XCR1: variants seen among roughly 807,000 people sequenced by gnomAD.
The protein encoded by XCR1 is X-C motif chemokine receptor 1, also known as chemokine XC receptor 1.
For synonymous variants in XCR1, 187 were observed against 188.5 expected (o/e 0.99, Z 0.06); for missense variants, 356 against 424.2 (o/e 0.84, Z 1.41).
intron 5 of XCR1, among the ~76,000 whole-genome samples, chr3:46,034,257 C>A (rs939342455): frequency 2.6e-5 from 4 of 152,216 alleles, no homozygotes; most frequent in Non-Finnish European, 5.9e-5. Flanking sequence ...CAGGTGTGAG[C>A]CACTGCACCT....
chr3:46,060,282 T>G (rs2133664), intron 4 of XCR1, among the ~76,000 whole-genome samples: 33 of 151,956 alleles, frequency 2.2e-4, no homozygotes, highest in Non-Finnish European at 4.1e-4. Flanking sequence ...GACCCCAATC[T>G]TCATTTCTGA....
intron 4 of XCR1, among the ~76,000 whole-genome samples, chr3:46,057,931 T>C (rs957662020): frequency 7.4e-6 from 1 of 134,758 alleles, no homozygotes; most frequent in Non-Finnish European, 1.6e-5. Context: ...TATCTATCTA[T>C]CTACGCATCC....
rs1409229279 is a variant in XCR1 at position 46,026,613 on chromosome 3, C to T, written c.-32+804G>A. Among the ~76,000 whole-genome samples the T allele has an allele frequency of 1.3e-4, 20 of 148,268 alleles. No homozygotes were observed. In the East Asian group the frequency reaches 2.4e-3, roughly 17 times the overall value. On this transcript the variant is annotated intron_variant, in intron 1 of 1. Transcript: ENST00000309285. Reference sequence around the variant, plus strand: ...TTTTTTTTTTTTTGAGATGGAGTCTCGTTCTGTCCCCTAGTCTGGAGTGCA... The same window carrying T: ...TTTTTTTTTTTTTGAGATGGAGTCTTGTTCTGTCCCCTAGTCTGGAGTGCA...
intron 5 of XCR1, among the ~76,000 whole-genome samples, chr3:46,042,110 A>T (rs1697546045): frequency 6.6e-6 from 1 of 152,236 alleles, no homozygotes; most frequent in South Asian, 2.1e-4. Context: ...AAAATAGGAG[A>T]TATCTTTAGG....
chr3:46,023,403 G>A, intron 1 of XCR1: 2 of 1,468,822 alleles, frequency 1.4e-6, no homozygotes, highest in Middle Eastern at 1.9e-4. Context: ...GTCACAAAAA[G>A]GCTGCGGCAT....
chr3:46,062,528 C>T (rs1219849215), intron 4 of XCR1, among the ~76,000 whole-genome samples: 1 of 152,188 alleles, frequency 6.6e-6, no homozygotes, highest in African/African-American at 2.4e-5. Context: ...TTTTTCCTTC[C>T]CCCTTCCTTT....
At chr3:46,084,288 A>G (rs1191900753) in intron 1 of XCR1, among the ~76,000 whole-genome samples, 1 of 152,226 alleles carries the variant, frequency 6.6e-6, no homozygotes, top group Non-Finnish European at 1.5e-5. Context: ...GCTTTTGAGG[A>G]GAAAAATTTG....
intron 3 of XCR1, among the ~76,000 whole-genome samples, chr3:46,072,398 G>C (rs764628122): frequency 2.4e-4 from 36 of 151,914 alleles, no homozygotes; most frequent in Non-Finnish European, 8.8e-5. Context: ...TGCACACCTA[G>C]AGTCCCAGTT....
At chr3:46,058,863 C>T (rs182425082) in intron 4 of XCR1, among the ~76,000 whole-genome samples, 6 of 152,270 alleles carry the variant, frequency 3.9e-5, no homozygotes, top group Admixed American at 3.9e-4. Flanking sequence ...TGATGACCGG[C>T]CATAGGGTGT....
chr3:46,024,214 CA>C (rs35174940), intron 1 of XCR1: 40,040 of 197,016 alleles, frequency 0.2, 849 homozygotes, highest in South Asian at 0.35. Context: ...GTTAATCCAG[CA>C]AAAAAAAAAA....
chr3:46,048,504 C>T (rs976243791), intron 5 of XCR1, among the ~76,000 whole-genome samples: 8 of 152,128 alleles, frequency 5.3e-5, no homozygotes, highest in Non-Finnish European at 7.4e-5. Flanking sequence ...CACTCAGGCT[C>T]AGCTGGCTCA....
intron 3 of XCR1, among the ~76,000 whole-genome samples, chr3:46,074,212 A>ATTTTTTTTTTTTT (rs1384010299): frequency 2.3e-5 from 2 of 88,378 alleles, no homozygotes; most frequent in Non-Finnish European, 4.1e-5. Flanking sequence ...ACTGAAGGCC[A>ATTTTTTTTTTTTT]TCTTTTTTTT....
intron 2 of XCR1, among the ~76,000 whole-genome samples, chr3:46,076,350 T>G (rs1698260010): frequency 2.0e-5 from 3 of 152,140 alleles, no homozygotes; most frequent in Admixed American, 2.0e-4. Flanking sequence ...AAGGTATGAG[T>G]CCTGCTGAAA....
chr3:46,025,662 G>C (rs1708273844), intron 1 of XCR1, among the ~76,000 whole-genome samples: 1 of 152,126 alleles, frequency 6.6e-6, no homozygotes, highest in Non-Finnish European at 1.5e-5. Context: ...ATTTGTTATA[G>C]AAATATAATT....
At chr3:46,027,899 G>A (rs1708328741), upstream of XCR1, among the ~76,000 whole-genome samples, 1 of 152,112 alleles carries the variant, frequency 6.6e-6, no homozygotes, top group Non-Finnish European at 1.5e-5. Context: ...TGCATAAAGT[G>A]TAACGTCACT....
At chr3:46,085,325 G>A (rs1698455168) in intron 1 of XCR1, among the ~76,000 whole-genome samples, 1 of 152,106 alleles carries the variant, frequency 6.6e-6, no homozygotes, top group African/African-American at 2.4e-5. Flanking sequence ...TGAGGCACAA[G>A]GAGGCAAGTA....
chr3:46,057,706 C>T (rs757515492), intron 4 of XCR1, among the ~76,000 whole-genome samples: 1 of 152,070 alleles, frequency 6.6e-6, no homozygotes, highest in Non-Finnish European at 1.5e-5. Flanking sequence ...AACTGGTTTC[C>T]CTGAAGAAGA....
At chr3:46,025,464 T>A (rs1708269364) in intron 1 of XCR1, among the ~76,000 whole-genome samples, 1 of 152,160 alleles carries the variant, frequency 6.6e-6, no homozygotes, top group African/African-American at 2.4e-5. Context: ...TGAAGCCTTA[T>A]CTAGATTGAT....
At position 46,019,845 on chromosome 3, in the gene XCR1, G is replaced by A. The variant is rs1375703225; in HGVS notation, c.*1101C>T. Reference sequence around the variant, plus strand: ...GGTGGGGAAAGAGAGGAGCAGTGGGGAGATGCCAAGGAAGTGAGGCCCTGT... The same window carrying A: ...GGTGGGGAAAGAGAGGAGCAGTGGGAAGATGCCAAGGAAGTGAGGCCCTGT... On this transcript the variant is annotated 3_prime_UTR_variant, in exon 2 of 2. Coordinates refer to ENST00000309285, the MANE Select transcript of XCR1 (RefSeq NM_001024644.2). The A allele has an allele frequency of 3.3e-5, 5 of 152,364 alleles. No homozygotes were observed. Among genetic ancestry groups the A allele is most frequent in the Non-Finnish European group, 4.4e-5 (3 of 68,150 alleles). 9.4% of individuals were successfully genotyped at this position (152,364 alleles called of 1,614,324 possible).
Sources: allele counts gnomAD v4.1 joint callset (sites outside exome capture counted in the v4.1 genomes callset), GRCh38; gene constraint gnomAD v4.1.1; transcripts MANE v1.5; gene names NCBI Gene and HGNC (gene_info 2026-07-23, HGNC 2026-07-21).